Variants in LAMP1 observed in about 807,000 individuals in gnomAD.
LAMP1 encodes lysosome associated membrane protein 1.
In LAMP1, 7 loss-of-function variants were observed where a neutral mutation model predicts 37.5. The observed-to-expected ratio is 0.19, with a 90% CI of 0.11 to 0.35. The LOEUF (loss-of-function observed/expected upper bound fraction) is 0.35, where lower values mean the gene tolerates loss of function less well. Among genes scored for constraint, LAMP1 ranks in the 10% least tolerant of loss-of-function variants. The pLI is 1.00. For missense variants in LAMP1, 537 were observed against 552.8 expected, an observed-to-expected ratio of 0.97 and a Z score of 0.29; for synonymous variants, 236 against 229.1, an observed-to-expected ratio of 1.03 and a Z score of -0.27.
intron 1 of LAMP1, among the ~76,000 whole-genome samples, chr13:113,299,901 C>T (rs138799039): frequency 6.6e-6 from 1 of 152,194 alleles, no homozygotes; most frequent in East Asian, 1.9e-4. Context: ...TAACAACTTG[C>T]ATTTAAAGAT....
rs1333031572 is a variant in LAMP1, at chr13:113,310,782, C to G, written c.477C>G (p.Thr159=). 6.2e-7 allele frequency: 1 copy of G among 1,613,274 alleles called. No homozygotes were observed. The highest frequency in any genetic ancestry group is 8.5e-7 in the Non-Finnish European group (1 of 1,179,474). ...AAAAATACAGATGTGTTAGTGGCACCCAGGTCCACATGAACAACGTGACCG... is the reference window on the plus strand; with the variant it reads ...AAAAATACAGATGTGTTAGTGGCACGCAGGTCCACATGAACAACGTGACCG... ...IDKKYRCVSG[T]QVHMNNVTVT... Residue 159 remains threonine (T), a synonymous_variant, in exon 4 of 9, where the codon ACC becomes ACG. Coordinates refer to ENST00000332556, the MANE Select transcript of LAMP1 (RefSeq NM_005561.4).
At chr13:113,298,768 G>A (rs576903501) in intron 1 of LAMP1, among the ~76,000 whole-genome samples, 16 of 152,364 alleles carry the variant, frequency 1.1e-4, no homozygotes, top group African/African-American at 3.8e-4. Context: ...AACAAGTTTT[G>A]TCATGTCACA....
chr13:113,316,235 A>T (rs1158493342), intron 4 of LAMP1, among the ~76,000 whole-genome samples: 1 of 152,194 alleles, frequency 6.6e-6, no homozygotes, highest in East Asian at 1.9e-4. Context: ...GGGTTAGCAG[A>T]TCTACAGTGA....
rs987819783 is a variant in LAMP1 at position 113,322,474 on chromosome 13, C to G, written c.*53C>G. 6.5e-6 allele frequency: 10 copies of G among 1,534,098 alleles called. No individual in the cohort carries two copies. In the African/African-American group the frequency reaches 1.4e-4, roughly 21 times the overall value. On this transcript the variant is annotated 3_prime_UTR_variant, in exon 9 of 9. Transcript: ENST00000332556. The stretch of plus-strand genomic sequence containing the variant: ...AGGGGCCTCTGTTCCTTTCTCTGGG[C>G]TTAGGGTCCTGTCGAAGGGGAGGCA...
intron 3 of LAMP1, among the ~76,000 whole-genome samples, chr13:113,310,381 C>T (rs998322116): frequency 6.6e-6 from 1 of 151,962 alleles, no homozygotes; most frequent in Non-Finnish European, 1.5e-5. Context: ...CAAAAATTAG[C>T]TGGGCGTGGT....
Position 113,318,449 on chromosome 13 carries a change from A to G in LAMP1, c.563-1020A>G, listed in dbSNP as rs2042678499. On this transcript the variant is annotated intron_variant, in intron 4 of 8. Coordinates refer to ENST00000332556, the MANE Select transcript of LAMP1 (RefSeq NM_005561.4). ...AAGGATCGAATTGGGTGGAAATTATATAAATATTATTCTTGAGTATCCACA... is the reference window on the plus strand; with the variant it reads ...AAGGATCGAATTGGGTGGAAATTATGTAAATATTATTCTTGAGTATCCACA... 2.0e-5 allele frequency among the ~76,000 whole-genome samples: 3 copies of G among 152,202 alleles called. No homozygotes were observed. The South Asian group carries it at 6.2e-4, about 31-fold the overall frequency.
chr13:113,306,953 C>T lies in LAMP1; in HGVS notation c.183+347C>T, dbSNP rs1340342850. Among the ~76,000 whole-genome samples, 3 of 139,262 alleles carry T rather than the reference C, an allele frequency of 2.2e-5. No homozygotes were observed. The East Asian group carries it at 6.9e-4, about 32-fold the overall frequency. 91.4% of individuals were successfully genotyped at this position (139,262 alleles called of 152,430 possible). ...CTCCTGGGTTCATGCCATTCTCCTGCCTCAGCCTCCCCAGTAGCTGGGGCT... is the reference window on the plus strand; with the variant it reads ...CTCCTGGGTTCATGCCATTCTCCTGTCTCAGCCTCCCCAGTAGCTGGGGCT... On this transcript the variant is annotated intron_variant, in intron 2 of 8. Transcript: ENST00000332556.
Position 113,321,992 on chromosome 13 carries a change from G to T in LAMP1, c.1114+265G>T, listed in dbSNP as rs1022534310. 3.4e-6 allele frequency: 2 copies of T among 586,910 alleles called. No homozygotes were observed. The highest frequency in any genetic ancestry group is 6.0e-6 in the Non-Finnish European group (2 of 332,008). 36.4% of individuals were successfully genotyped at this position (586,910 alleles called of 1,614,324 possible). On this transcript the variant is annotated intron_variant, in intron 8 of 8. Coordinates refer to ENST00000332556, the MANE Select transcript of LAMP1 (RefSeq NM_005561.4). The surrounding 1 kb of genome is among the most constrained non-coding windows in gnomAD (Gnocchi z 5.6). ...CAGTGGTGGCGCTTCTCCCATGAACGTTGAATACAACACTGTCATCTGATG... is the reference window on the plus strand; with the variant it reads ...CAGTGGTGGCGCTTCTCCCATGAACTTTGAATACAACACTGTCATCTGATG...
At chr13:113,317,528 A>G (rs1312015979) in intron 4 of LAMP1, among the ~76,000 whole-genome samples, 1 of 152,184 alleles carries the variant, frequency 6.6e-6, no homozygotes, top group African/African-American at 2.4e-5. Context: ...AATGTGCCAC[A>G]TGGATCACAG....
At chr13:113,306,724 A>G in intron 2 of LAMP1, 118 bp downstream of exon 2, 2 of 1,142,486 alleles carry the variant, frequency 1.8e-6, no homozygotes, top group Middle Eastern at 2.1e-4. Context: ...TCCTATCTGC[A>G]TATCTCCTTC....
rs1264767054 is a variant in LAMP1 at position 113,320,013 on chromosome 13, G to GT, written c.751-327dup. 6.6e-6 allele frequency among the ~76,000 whole-genome samples: 1 copy of GT among 152,214 alleles called. No individual in the cohort carries two copies. The highest frequency in any genetic ancestry group is 1.5e-5 in the Non-Finnish European group (1 of 68,048). ...ATTTTTATAGTTTTCTTTTGAAATAGTTTTTCTCCCCTAGTAGTGACAGGC... is the reference window on the plus strand; with the variant it reads ...ATTTTTATAGTTTTCTTTTGAAATAGTTTTTTCTCCCCTAGTAGTGACAGGC... On this transcript the variant is annotated intron_variant, in intron 5 of 8. Coordinates refer to ENST00000332556, the MANE Select transcript of LAMP1 (RefSeq NM_005561.4). The surrounding 1 kb of genome is among the most constrained non-coding windows in gnomAD (Gnocchi z 4.4).
Position 113,320,706 on chromosome 13 carries a change from A to G in LAMP1, c.876+236A>G. On this transcript the variant is annotated intron_variant, in intron 6 of 8. Transcript: ENST00000332556. The surrounding 1 kb of genome is among the most constrained non-coding windows in gnomAD (Gnocchi z 4.4). Reference sequence around the variant, plus strand: ...CTGTGCCCACAGTTGGAGTGGCTGCAGGGGAGGGCATGCAGGCCGTGCGGC... The same window carrying G: ...CTGTGCCCACAGTTGGAGTGGCTGCGGGGGAGGGCATGCAGGCCGTGCGGC... 1 of 526,664 alleles carries G rather than the reference A, an allele frequency of 1.9e-6. No individual in the cohort carries two copies. Among genetic ancestry groups the G allele is most frequent in the South Asian group, 2.6e-5 (1 of 39,154 alleles). 32.6% of individuals were successfully genotyped at this position (526,664 alleles called of 1,614,324 possible).
chr13:113,322,210 T>A, intron 8 of LAMP1, 72 bp from the exon 9 acceptor site: 1 of 1,473,398 alleles, frequency 6.8e-7, no homozygotes, highest in Non-Finnish European at 9.1e-7. Context: ...TGTGGGGGAG[T>A]GGTGGGGAGA....
chr13:113,301,622 C>A (rs1595456543), intron 1 of LAMP1, among the ~76,000 whole-genome samples: 1 of 109,004 alleles, frequency 9.2e-6, no homozygotes. Context: ...GACTCTGTTT[C>A]CATTTAAAAA....
In LAMP1 at chr13:113,297,450, A is replaced by G; in HGVS notation, c.16A>G (p.Ser6Gly). Residue 6 changes from serine to glycine, a missense_variant, in exon 1 of 9, where the codon AGC becomes GGC. By Grantham distance (56) the Ser-to-Gly change is moderately conservative (BLOSUM62 0). Coordinates refer to ENST00000332556, the MANE Select transcript of LAMP1 (RefSeq NM_005561.4). The surrounding 1 kb of genome is among the most constrained non-coding windows in gnomAD (Gnocchi z 4.4). MAAPGSARRPLLLLLL... is the reference protein window; with the variant it reads MAAPGGARRPLLLLLL... Reference sequence around the variant, plus strand: ...GCCTCGCGCCATGGCGGCCCCCGGCAGCGCCCGGCGACCCCTGCTGCTGCT... The same window carrying G: ...GCCTCGCGCCATGGCGGCCCCCGGCGGCGCCCGGCGACCCCTGCTGCTGCT... 8.8e-7 allele frequency: 1 copy of G among 1,132,274 alleles called. No individual in the cohort carries two copies. The highest frequency in any genetic ancestry group is 1.1e-6 in the Non-Finnish European group (1 of 889,964). 70.1% of individuals were successfully genotyped at this position (1,132,274 alleles called of 1,614,324 possible).
At position 113,321,930 on chromosome 13, in the gene LAMP1, T is replaced by G. The variant is rs2042703226; in HGVS notation, c.1114+203T>G. ...AGCGTGTCTCTCAGCTGGGAGCCCC[T>G]GGTACCATTTGAGAGTAAGGGAATC... On this transcript the variant is annotated intron_variant, in intron 8 of 8. Coordinates refer to ENST00000332556, the MANE Select transcript of LAMP1 (RefSeq NM_005561.4). This position sits in a 1 kb window ranked among gnomAD's most constrained non-coding sequence, Gnocchi z 5.6. 5 of 608,020 alleles carry G rather than the reference T, an allele frequency of 8.2e-6. No individual in the cohort carries two copies. In the East Asian group the frequency reaches 1.4e-4, roughly 17 times the overall value. 37.7% of individuals were successfully genotyped at this position (608,020 alleles called of 1,614,324 possible). A position where few individuals can be genotyped will look rare whatever the true frequency, so the allele number is the denominator to read the frequency against.
rs79837128 is a variant in LAMP1 at position 113,320,110 on chromosome 13, G to A, written c.751-235G>A. Among the ~76,000 whole-genome samples the A allele has an allele frequency of 8.9e-3, 1,351 of 152,276 alleles. 9 individuals are homozygous for A. Among genetic ancestry groups the A allele is most frequent in the African/African-American group, 0.03 (1,267 of 41,558 alleles). On this transcript the variant is annotated intron_variant, in intron 5 of 8. Transcript: ENST00000332556. This position sits in a 1 kb window ranked among gnomAD's most constrained non-coding sequence, Gnocchi z 4.4. The stretch of plus-strand genomic sequence containing the variant: ...GGGCTGACTGCTGCAGGGGGAGGTG[G>A]TGCTGCTGGTTGCCCTCCACGCGGG...
chr13:113,307,800 A>T (rs1033784011), intron 2 of LAMP1, among the ~76,000 whole-genome samples: 4 of 134,938 alleles, frequency 3.0e-5, no homozygotes, highest in African/African-American at 1.4e-4. Flanking sequence ...CTTTTTTAAA[A>T]AAAAAAAAAA....
chr13:113,297,545 A>C lies in LAMP1; in HGVS notation c.61+50A>C. ...GGAGCGGCGGGACCGGGCGGAGCCG[A>C]GGTCCCTGGGTCTTGAGGGCGGGGG... On this transcript the variant is annotated intron_variant, in intron 1 of 8. Coordinates refer to ENST00000332556, the MANE Select transcript of LAMP1 (RefSeq NM_005561.4). The surrounding 1 kb of genome is among the most constrained non-coding windows in gnomAD (Gnocchi z 4.4). The C allele has an allele frequency of 4.1e-6, 5 of 1,219,878 alleles. No individual in the cohort carries two copies. The highest frequency in any genetic ancestry group is 4.1e-6 in the Non-Finnish European group (4 of 978,836). The allele number at this position is 1,219,878 out of a possible 1,614,324, so 75.6% of individuals were successfully genotyped here.
Sources: allele counts gnomAD v4.1 joint callset (sites outside exome capture counted in the v4.1 genomes callset), GRCh38; gene constraint gnomAD v4.1.1; non-coding constraint Gnocchi (gnomAD v3.1); transcripts MANE v1.5; gene names NCBI Gene and HGNC (gene_info 2026-07-23, HGNC 2026-07-21).